KNL1: variants seen among roughly 807,000 people sequenced by gnomAD.
The protein encoded by KNL1 is outer kinetochore KNL1 complex subunit KNL1.
A neutral mutation model predicts 201.3 loss-of-function variants in KNL1; 66 were observed. That is an observed-to-expected ratio of 0.33 (90% confidence interval 0.27 to 0.40). The LOEUF (loss-of-function observed/expected upper bound fraction) is 0.40, where lower values mean the gene tolerates loss of function less well. Among genes scored for constraint, KNL1 ranks in the 10% least tolerant of loss-of-function variants. KNL1 has a pLI of 1.00. For missense variants in KNL1, 2,815 were observed against 2,690.5 expected, an observed-to-expected ratio of 1.05 and a Z score of -1.02; for synonymous variants, 895 against 899.2, an observed-to-expected ratio of 1.00 and a Z score of 0.08.
rs1452245994 is a variant in KNL1, at chr15:40,615,347, G to A, written c.291G>A (p.Lys97=). 1.4e-6 allele frequency: 1 copy of A among 696,396 alleles called. No individual in the cohort carries two copies. Among genetic ancestry groups the A allele is most frequent in the Non-Finnish European group, 2.4e-6 (1 of 424,368 alleles). The allele number at this position is 696,396 out of a possible 1,614,324, so 43.1% of individuals were successfully genotyped here. A position where few individuals can be genotyped will look rare whatever the true frequency, so the allele number is the denominator to read the frequency against. The part of the protein sequence containing the change: ...TGENLLLIQN[K]KLEDNYCEIT... Reference sequence around the variant, plus strand: ...AATACTTTTTAATTTTTAGGAATAAGAAATTAGAAGATAATTACTGTGAAA... The same window carrying A: ...AATACTTTTTAATTTTTAGGAATAAAAAATTAGAAGATAATTACTGTGAAA... The change falls in exon 8 of 26, where the codon AAG becomes AAA. Residue 97 remains lysine (K), a synonymous_variant. Transcript: ENST00000399668.
Position 40,654,974 on chromosome 15 carries a change from G to C in KNL1, c.6481G>C (p.Asp2161His), listed in dbSNP as rs1263894312. 6.2e-7 allele frequency: 1 copy of C among 1,611,134 alleles called. No homozygotes were observed. The highest frequency in any genetic ancestry group is 1.7e-5 in the Admixed American group (1 of 59,998). ...IVDVNFQSLL[D>H]EDQAPPSSLL... ...TGATGTCAATTTTCAATCTCTGTTA[G>C]ATGGTAAGTAGAAAACATTTAAGCC... Residue 2161 changes from aspartate to histidine, a missense_variant, in exon 22 of 26, where the codon GAT (aspartate) becomes CAT (histidine). By Grantham distance (81) the Asp-to-His change is moderately conservative. Transcript: ENST00000399668.
At chr15:40,640,079 T>TTC (rs201863025) in intron 13 of KNL1, among the ~76,000 whole-genome samples, 2 of 149,922 alleles carry the variant, frequency 1.3e-5, no homozygotes, top group African/African-American at 5.0e-5. Context: ...TTCTTTTCTT[T>TTC]TTTTTCTTTT....
chr15:40,639,771 CAA>C (rs911155384), intron 13 of KNL1, among the ~76,000 whole-genome samples: 1 of 138,366 alleles, frequency 7.2e-6, no homozygotes, highest in African/African-American at 2.7e-5. Flanking sequence ...GACCCCATCT[CAA>C]AAAAAAAAAG....
In KNL1 at chr15:40,628,633, A is replaced by G. The variant is rs180678267; in HGVS notation, c.5538A>G (p.Glu1846=). ...DFSTYRSSQM[E]SQFLRDTICE... is the part of the protein sequence containing the mutation. ...TAGCTTACCGCAGTAGTCAAATGGA[A>G]TCACAGTTTCTCAGAGATACTATTT... Residue 1846 remains glutamate, a synonymous_variant, in exon 12 of 26, where the codon GAA becomes GAG. Transcript: ENST00000399668. 976 of 1,603,784 alleles carry G rather than the reference A, an allele frequency of 6.1e-4. 2 individuals are homozygous for G. The highest frequency in any genetic ancestry group is 2.7e-3 in the Middle Eastern group (16 of 6,030).
At chr15:40,661,504 A>T (rs1355711355) in intron 25 of KNL1, among the ~76,000 whole-genome samples, 1 of 152,124 alleles carries the variant, frequency 6.6e-6, no homozygotes, top group African/African-American at 2.4e-5. Context: ...GGTGGGGAAA[A>T]ATTTGCTCAC....
chr15:40,643,133 C>A (rs1171622965), intron 14 of KNL1: 1 of 152,114 alleles, frequency 6.6e-6, no homozygotes, highest in Non-Finnish European at 1.5e-5. Flanking sequence ...TTTATAGATG[C>A]TATTCTAAAA....
At chr15:40,618,360 T>C (rs1315055033) in intron 8 of KNL1, among the ~76,000 whole-genome samples, 2 of 152,128 alleles carry the variant, frequency 1.3e-5, no homozygotes, top group Admixed American at 6.5e-5. Context: ...TATAATGGGA[T>C]TATTTTTATA....
chr15:40,594,663 C>T (rs552643852), intron 1 of KNL1, among the ~76,000 whole-genome samples: 7 of 152,202 alleles, frequency 4.6e-5, no homozygotes, highest in Non-Finnish European at 1.0e-4. Flanking sequence ...GTTGCTTGTC[C>T]GTCGCTCTCT....
intron 13 of KNL1, 119 bp from the exon 14 acceptor site, chr15:40,640,793 G>A (rs1893204433): frequency 1.5e-6 from 1 of 666,904 alleles, no homozygotes; most frequent in Non-Finnish European, 2.6e-6. Context: ...ATGAACTTGA[G>A]TATTCAAATT....
chr15:40,629,723 G>T (rs1206514457), intron 13 of KNL1, among the ~76,000 whole-genome samples: 1 of 151,724 alleles, frequency 6.6e-6, no homozygotes, highest in African/African-American at 2.4e-5. Context: ...GGCTGGTCTT[G>T]AACTCCTGAC....
chr15:40,625,691 T>C, intron 10 of KNL1, 51 bp downstream of exon 10: 1 of 1,460,326 alleles, frequency 6.8e-7, no homozygotes, highest in Middle Eastern at 1.8e-4. Flanking sequence ...GGTTTTGTTT[T>C]GTTTTCTTAA....
At chr15:40,603,054 G>T (rs1891859639) in intron 2 of KNL1, 88 bp downstream of exon 2, 3 of 832,206 alleles carry the variant, frequency 3.6e-6, no homozygotes, top group Non-Finnish European at 5.7e-6. Flanking sequence ...TAACTTCTGA[G>T]ATCTTTTTCC....
At chr15:40,609,567 A>C (rs933484821) in intron 5 of KNL1, among the ~76,000 whole-genome samples, 1 of 152,306 alleles carries the variant, frequency 6.6e-6, no homozygotes, top group South Asian at 2.1e-4. Flanking sequence ...TATGGAGTCC[A>C]TGCTACCATA....
At chr15:40,649,956 G>C (rs902905381) in intron 17 of KNL1, among the ~76,000 whole-genome samples, 2 of 151,880 alleles carry the variant, frequency 1.3e-5, no homozygotes, top group African/African-American at 2.4e-5. Context: ...GCTCTGTGGA[G>C]GCAGGAATCA....
chr15:40,649,780 G>A (rs1371498141), intron 17 of KNL1, among the ~76,000 whole-genome samples: 1 of 152,074 alleles, frequency 6.6e-6, no homozygotes. Flanking sequence ...TTTCTACTTT[G>A]GTCTTTGCTA....
intron 5 of KNL1, 51 bp from the exon 6 acceptor site, chr15:40,610,194 G>A (rs1892107045): frequency 1.0e-6 from 1 of 983,436 alleles, no homozygotes. Flanking sequence ...AACACCAAAA[G>A]ATAATGATTA....
At chr15:40,635,926 C>T (rs1283517603) in intron 13 of KNL1, among the ~76,000 whole-genome samples, 1 of 152,160 alleles carries the variant, frequency 6.6e-6, no homozygotes, top group Non-Finnish European at 1.5e-5. Context: ...GAGTGCACTT[C>T]CCGGGTTCAA....
intron 13 of KNL1, among the ~76,000 whole-genome samples, chr15:40,637,612 A>G (rs1270896991): frequency 2.6e-5 from 4 of 152,210 alleles, no homozygotes; most frequent in Admixed American, 2.6e-4. Flanking sequence ...GGTTGCTGTT[A>G]AAATGTACTG....
chr15:40,600,844 G>A (rs746321021), intron 1 of KNL1, among the ~76,000 whole-genome samples: 6 of 152,142 alleles, frequency 3.9e-5, no homozygotes, highest in Non-Finnish European at 7.3e-5. Context: ...GAAACTTCAC[G>A]TTATGCCTCT....
Sources: allele counts gnomAD v4.1 joint callset (sites outside exome capture counted in the v4.1 genomes callset), GRCh38; gene constraint gnomAD v4.1.1; transcripts MANE v1.5; gene names NCBI Gene and HGNC (gene_info 2026-07-23, HGNC 2026-07-21).